The following PTPRJ variants were observed in gnomAD, a reference collection of about 807,000 sequenced individuals.
The protein encoded by PTPRJ is receptor-type tyrosine-protein phosphatase eta.
A neutral mutation model predicts 141.3 loss-of-function variants in PTPRJ; 129 were observed. The observed-to-expected ratio is 0.91, with a 90% CI of 0.79 to 1.06. PTPRJ has a LOEUF of 1.06. PTPRJ is among the 50% of genes least tolerant of loss of function. The pLI is 0.00. For synonymous variants in PTPRJ, 610 were observed against 640.5 expected (o/e 0.95, Z 0.72); for missense variants, 1,601 against 1,679.7 (o/e 0.95, Z 0.82).
chr11:48,092,872 A>G (rs1215697745), intron 1 of PTPRJ, among the ~76,000 whole-genome samples: 1 of 152,208 alleles, frequency 6.6e-6, no homozygotes, highest in Non-Finnish European at 1.5e-5. Flanking sequence ...GGCTATTGTG[A>G]ATAGTGCCGC....
At chr11:48,121,796 A>T (rs997221777) in intron 4 of PTPRJ, among the ~76,000 whole-genome samples, 1 of 151,836 alleles carries the variant, frequency 6.6e-6, no homozygotes, top group East Asian at 1.9e-4. Flanking sequence ...CTGCAAACTT[A>T]GCTTTTTTTT....
At chr11:48,053,053 GTT>G (rs1179517448) in intron 1 of PTPRJ, among the ~76,000 whole-genome samples, 1 of 122,372 alleles carries the variant, frequency 8.2e-6, no homozygotes. Context: ...TCCAGATATT[GTT>G]TTTTTTTTTC....
intron 1 of PTPRJ, among the ~76,000 whole-genome samples, chr11:48,058,003 C>A (rs12289488): frequency 0.07 from 10,634 of 151,996 alleles, 563 homozygotes; most frequent in African/African-American, 0.15. Context: ...CCTCCGCCTC[C>A]CGGGTTCAAG....
chr11:47,988,348 T>C (rs919585463), intron 1 of PTPRJ, among the ~76,000 whole-genome samples: 6 of 151,596 alleles, frequency 4.0e-5, no homozygotes, highest in Admixed American at 3.3e-4. Flanking sequence ...ATTTTATTGT[T>C]TTTTTTTTGA....
At chr11:48,132,264 G>A (rs1033240067) in intron 8 of PTPRJ, 3 of 985,224 alleles carry the variant, frequency 3.0e-6, no homozygotes, top group Non-Finnish European at 3.6e-6. Flanking sequence ...AGTCAGCTAC[G>A]GTGGCCTGCA....
chr11:48,076,623 C>T (rs1229458370), intron 1 of PTPRJ, among the ~76,000 whole-genome samples: 1 of 152,086 alleles, frequency 6.6e-6, no homozygotes. Flanking sequence ...GACATACTTG[C>T]CACTGAAGCC....
chr11:48,149,541 A>G (rs984009363), intron 16 of PTPRJ, 53 bp downstream of exon 16: 1 of 1,167,082 alleles, frequency 8.6e-7, no homozygotes, highest in Non-Finnish European at 1.2e-6. Context: ...CTGTTCGGTG[A>G]CTATCTATAA....
intron 1 of PTPRJ, among the ~76,000 whole-genome samples, chr11:47,986,234 C>T (rs924229272): frequency 1.3e-5 from 2 of 152,202 alleles, no homozygotes; most frequent in Admixed American, 1.3e-4. Flanking sequence ...CAAGGCAAGT[C>T]TGCCTTTGTG....
chr11:48,085,258 ACTT>A (rs1855669346), intron 1 of PTPRJ, among the ~76,000 whole-genome samples: 1 of 80,336 alleles, frequency 1.2e-5, no homozygotes, highest in East Asian at 6.1e-4. Flanking sequence ...TATCTCTCTC[ACTT>A]TTTTTTTTTT....
chr11:48,040,597 C>A (rs972364637), intron 1 of PTPRJ, among the ~76,000 whole-genome samples: 4 of 148,702 alleles, frequency 2.7e-5, no homozygotes, highest in African/African-American at 5.1e-5. Context: ...TACTTTCTTT[C>A]TTCTTCTTCT....
In PTPRJ at chr11:48,028,627, C is replaced by T. The variant is rs1853888719; in HGVS notation, c.96+47619C>T. Among the ~76,000 whole-genome samples the T allele has an allele frequency of 2.6e-5, 4 of 152,254 alleles. No individual in the cohort carries two copies. The South Asian group carries it at 8.3e-4, about 32-fold the overall frequency. On this transcript the variant is annotated intron_variant, in intron 1 of 24. Transcript: ENST00000418331. Reference sequence around the variant, plus strand: ...CCAACGTGGTGAAACCCCGTCTCTACTAAAAATACAAAAATTAGCCAGGTG... The same window carrying T: ...CCAACGTGGTGAAACCCCGTCTCTATTAAAAATACAAAAATTAGCCAGGTG...
chr11:48,119,175 ATGT>A (rs1485559017), intron 3 of PTPRJ, among the ~76,000 whole-genome samples: 6 of 152,252 alleles, frequency 3.9e-5, no homozygotes, highest in Admixed American at 1.3e-4. Context: ...ACTGTAACTG[ATGT>A]TGTTTCATCA....
chr11:48,053,149 T>C (rs1223386605), intron 1 of PTPRJ, among the ~76,000 whole-genome samples: 2 of 108,938 alleles, frequency 1.8e-5, no homozygotes, highest in African/African-American at 3.6e-5. Flanking sequence ...TATATAAAAA[T>C]AAATATATAT....
chr11:48,054,733 T>C (rs1854708542), intron 1 of PTPRJ, among the ~76,000 whole-genome samples: 1 of 152,198 alleles, frequency 6.6e-6, no homozygotes, highest in South Asian at 2.1e-4. Flanking sequence ...GTTTTAATTC[T>C]GTCCTACCAC....
rs1326900900 is a variant in PTPRJ, at chr11:48,153,809, T to G, written c.3152T>G (p.Val1051Gly). ...FAEEYEDLKL[V>G]GISQPKYAAE... is the part of the protein sequence containing the mutation. ...TTTTGTTTTCAGGATCTGAAGCTTG[T>G]TGGAATTAGTCAACCTAAATATGCA... The change falls in exon 19 of 25, where the codon GTT (valine) becomes GGT (glycine). Residue 1051 changes from valine to glycine, a missense_variant. Transcript: ENST00000418331. 6.2e-7 allele frequency: 1 copy of G among 1,612,214 alleles called. No homozygotes were observed. Among genetic ancestry groups the G allele is most frequent in the Non-Finnish European group, 8.5e-7 (1 of 1,178,318 alleles).
intron 1 of PTPRJ, among the ~76,000 whole-genome samples, chr11:48,026,041 G>T (rs775841794): frequency 6.6e-6 from 1 of 152,202 alleles, no homozygotes; most frequent in Non-Finnish European, 1.5e-5. Flanking sequence ...TCCCGACTCT[G>T]TAAATTTGGA....
intron 1 of PTPRJ, among the ~76,000 whole-genome samples, chr11:48,071,851 C>T (rs1855265695): frequency 6.7e-6 from 1 of 150,298 alleles, no homozygotes; most frequent in Non-Finnish European, 1.5e-5. Context: ...ATCTACCTGC[C>T]TCAGCCTCCC....
chr11:48,041,806 G>A (rs1029929720), intron 1 of PTPRJ, among the ~76,000 whole-genome samples: 6 of 151,854 alleles, frequency 4.0e-5, no homozygotes, highest in African/African-American at 1.5e-4. Flanking sequence ...TGTACTTTTT[G>A]TAGAGATGGG....
chr11:47,995,865 C>G (rs1354717643), intron 1 of PTPRJ, among the ~76,000 whole-genome samples: 2 of 151,918 alleles, frequency 1.3e-5, no homozygotes, highest in Admixed American at 6.6e-5. Flanking sequence ...TGGTGAAACC[C>G]TGTCTCTACT....
Sources: gnomAD v4.1 joint callset for allele counts (sites outside exome capture counted in the v4.1 genomes callset) on GRCh38, gnomAD v4.1.1 for gene constraint, MANE v1.5 for transcripts, NCBI Gene and HGNC (gene_info 2026-07-23, HGNC 2026-07-21) for gene names.